NTM: variants seen among roughly 807,000 people sequenced by gnomAD.
The protein encoded by NTM is neurotrimin.
Under a neutral mutation model 42.1 loss-of-function variants are expected in NTM, and 13 were observed. That is an observed-to-expected ratio of 0.31 (90% CI 0.20 to 0.49). The LOEUF (loss-of-function observed/expected upper bound fraction) is 0.49, where lower values mean the gene tolerates loss of function less well. Among genes scored for constraint, NTM ranks in the 20% least tolerant of loss-of-function variants. The pLI, the probability that NTM is intolerant of heterozygous loss-of-function variation, is 0.99. For missense variants in NTM, 373 were observed against 452.8 expected, an observed-to-expected ratio of 0.82 and a Z score of 1.60; for synonymous variants, 187 against 179.2, an observed-to-expected ratio of 1.04 and a Z score of -0.35.
intron 1 of NTM, among the ~76,000 whole-genome samples, chr11:131,689,574 C>T (rs375173162): frequency 6.6e-6 from 1 of 152,234 alleles, no homozygotes; most frequent in African/African-American, 2.4e-5. Context: ...GCCCTGGAAG[C>T]ACTCAGTCCT....
intron 1 of NTM, among the ~76,000 whole-genome samples, chr11:131,889,993 CAG>C (rs1258094054): frequency 3.9e-5 from 6 of 152,148 alleles, no homozygotes; most frequent in Non-Finnish European, 5.9e-5. Flanking sequence ...CTCTTGTTCA[CAG>C]AGACTCCTCC....
chr11:131,952,593 G>A (rs972320284), intron 2 of NTM, among the ~76,000 whole-genome samples: 8 of 152,122 alleles, frequency 5.3e-5, no homozygotes, highest in African/African-American at 1.9e-4. Flanking sequence ...TTGTGAAAAT[G>A]TTTCTATCAA....
chr11:131,727,363 G>A (rs995165803), intron 1 of NTM, among the ~76,000 whole-genome samples: 2 of 152,170 alleles, frequency 1.3e-5, no homozygotes, highest in African/African-American at 4.8e-5. Flanking sequence ...ATAAGGTGAA[G>A]CCAATACACA....
chr11:131,531,742 G>A (rs1166400234), intron 1 of NTM, among the ~76,000 whole-genome samples: 2 of 152,176 alleles, frequency 1.3e-5, no homozygotes, highest in Non-Finnish European at 2.9e-5. Flanking sequence ...GAGGTAGAGG[G>A]TTTTCATAAG....
chr11:131,987,786 C>T (rs1330848444), intron 2 of NTM, among the ~76,000 whole-genome samples: 1 of 152,164 alleles, frequency 6.6e-6, no homozygotes, highest in Non-Finnish European at 1.5e-5. Context: ...AAATGTGTGG[C>T]TTTCTTCATT....
At chr11:131,907,519 G>C (rs182232143) in intron 1 of NTM, among the ~76,000 whole-genome samples, 3 of 152,296 alleles carry the variant, frequency 2.0e-5, no homozygotes, top group Admixed American at 1.3e-4. Flanking sequence ...AGCTTGAAAG[G>C]CATTGTCCTA....
chr11:131,657,013 T>A (rs950549014), intron 1 of NTM, among the ~76,000 whole-genome samples: 9 of 151,948 alleles, frequency 5.9e-5, no homozygotes, highest in Admixed American at 4.6e-4. Flanking sequence ...ACTGAGGGGG[T>A]TAACCAAGTG....
At chr11:131,515,369 C>T (rs1001514768) in intron 1 of NTM, among the ~76,000 whole-genome samples, 15 of 152,156 alleles carry the variant, frequency 9.9e-5, no homozygotes, top group African/African-American at 3.1e-4. Flanking sequence ...AGAATGTTCT[C>T]GGAGCCCAGT....
At chr11:131,835,367 A>G (rs569701817) in intron 1 of NTM, among the ~76,000 whole-genome samples, 2 of 152,162 alleles carry the variant, frequency 1.3e-5, no homozygotes, top group Admixed American at 1.3e-4. Context: ...ATGAAAAAAG[A>G]CTTATCTCTA....
chr11:132,319,417 C>T (rs1233244278), intron 7 of NTM, among the ~76,000 whole-genome samples: 3 of 152,190 alleles, frequency 2.0e-5, no homozygotes, highest in Admixed American at 6.5e-5. Context: ...GTCACTCCCA[C>T]CCTAATACTG....
intron 1 of NTM, among the ~76,000 whole-genome samples, chr11:131,798,306 A>T (rs548353253): frequency 5.9e-5 from 9 of 152,300 alleles, no homozygotes; most frequent in Non-Finnish European, 1.0e-4. Flanking sequence ...GTAGCCGAGA[A>T]CTGGCACAGT....
intron 4 of NTM, among the ~76,000 whole-genome samples, chr11:132,278,552 A>G (rs566850815): frequency 3.9e-5 from 6 of 152,054 alleles, no homozygotes; most frequent in South Asian, 2.1e-4. Context: ...CCCCACCCAG[A>G]CACAAGAGAC....
chr11:131,836,959 G>A (rs1467776779), intron 1 of NTM, among the ~76,000 whole-genome samples: 1 of 152,172 alleles, frequency 6.6e-6, no homozygotes, highest in Non-Finnish European at 1.5e-5. Flanking sequence ...CACTCCTGAA[G>A]GGATCTTTTT....
intron 1 of NTM, among the ~76,000 whole-genome samples, chr11:131,640,800 T>C (rs1360429333): frequency 1.3e-5 from 2 of 152,218 alleles, no homozygotes; most frequent in South Asian, 2.1e-4. Context: ...TTGTTTAAAA[T>C]CTTCCTAGGC....
chr11:131,522,363 A>G (rs2136575614), intron 1 of NTM, among the ~76,000 whole-genome samples: 1 of 152,262 alleles, frequency 6.6e-6, no homozygotes. Context: ...CAAGAAAAAA[A>G]AAAAAGCCTC....
intron 1 of NTM, among the ~76,000 whole-genome samples, chr11:131,483,930 A>T (rs2136250004): frequency 6.6e-6 from 1 of 151,592 alleles, no homozygotes; most frequent in South Asian, 2.1e-4. Context: ...CATGCCATTG[A>T]ATCACCCATA....
At position 131,508,595 on chromosome 11, in the gene NTM, T is replaced by C. The variant is rs1298969614; in HGVS notation, c.82+137707T>C. Reference sequence around the variant, plus strand: ...AAAGACACATGCACACGTATGTTTATTGTGGCATTATTCACAATAGCAAAG... The same window carrying C: ...AAAGACACATGCACACGTATGTTTACTGTGGCATTATTCACAATAGCAAAG... On this transcript the variant is annotated intron_variant, in intron 1 of 8. Transcript: ENST00000683400. Among the ~76,000 whole-genome samples, 13 of 148,574 alleles carry C rather than the reference T, an allele frequency of 8.7e-5. No homozygotes were observed. In the East Asian group the frequency reaches 1.4e-3, roughly 16 times the overall value.
chr11:131,633,738 CCTCCCTCTCTCT>C (rs2063989924), intron 1 of NTM, among the ~76,000 whole-genome samples: 1 of 32,538 alleles, frequency 3.1e-5, no homozygotes, highest in African/African-American at 1.2e-4. Flanking sequence ...TCTCTCTCTC[CCTCCCTCTCTCT>C]CCCTCCCTCT....
intron 2 of NTM, among the ~76,000 whole-genome samples, chr11:131,913,023 G>A (rs1051339333): frequency 2.6e-5 from 4 of 152,126 alleles, no homozygotes; most frequent in African/African-American, 9.7e-5. Context: ...CTAGTTATTT[G>A]TTGGCTCACG....
Sources: allele counts gnomAD v4.1 joint callset (sites outside exome capture counted in the v4.1 genomes callset), GRCh38; gene constraint gnomAD v4.1.1; transcripts MANE v1.5; gene names NCBI Gene and HGNC (gene_info 2026-07-23, HGNC 2026-07-21).